Variants in ZNF763 observed in about 807,000 individuals in gnomAD.
ZNF763 encodes the protein DNA-binding protein.
Under a neutral mutation model 38.0 loss-of-function variants are expected in ZNF763, and 33 were observed. The observed-to-expected ratio is 0.87, with a 90% CI of 0.66 to 1.16. The LOEUF is 1.16. Ranked by LOEUF, ZNF763 falls within the 50% of genes most tolerant of loss-of-function variation. The pLI is 0.00. For synonymous variants in ZNF763, 155 were observed against 160.1 expected, an observed-to-expected ratio of 0.97 and a Z score of 0.24; for missense variants, 423 against 469.1, an observed-to-expected ratio of 0.90 and a Z score of 0.91.
At chr19:11,973,267 C>T (rs1042578812) in intron 1 of ZNF763, among the ~76,000 whole-genome samples, 2 of 152,142 alleles carry the variant, frequency 1.3e-5, no homozygotes. Flanking sequence ...TTGCATTTTC[C>T]AGAATATCAC....
intron 1 of ZNF763, among the ~76,000 whole-genome samples, chr19:11,976,440 C>G (rs1175908598): frequency 6.6e-6 from 1 of 151,006 alleles, no homozygotes; most frequent in African/African-American, 2.4e-5. Flanking sequence ...CCTGTGGTCT[C>G]AGCTACTCAG....
intron 1 of ZNF763, among the ~76,000 whole-genome samples, chr19:11,975,333 C>A (rs915019611): frequency 6.6e-6 from 1 of 152,016 alleles, no homozygotes; most frequent in Admixed American, 6.5e-5. Flanking sequence ...CCACACCCCC[C>A]AAAGTTCTGG....
intron 1 of ZNF763, among the ~76,000 whole-genome samples, chr19:11,967,770 C>T (rs1687136457): frequency 1.3e-5 from 2 of 152,088 alleles, no homozygotes; most frequent in South Asian, 4.2e-4. Flanking sequence ...AGTAGGGCAT[C>T]CTCATAAAGC....
In ZNF763 at chr19:11,965,153, C is replaced by A. The variant is rs150278614; in HGVS notation, c.-56C>A. 6.2e-7 allele frequency: 1 copy of A among 1,612,980 alleles called. No homozygotes were observed. Reference sequence around the variant, plus strand: ...TATCGCTCTGTCTCCTGCGCTGTGCCCTTCTGTAGTCACAGGAGCTGTAGA... The same window carrying A: ...TATCGCTCTGTCTCCTGCGCTGTGCACTTCTGTAGTCACAGGAGCTGTAGA... On this transcript the variant is annotated 5_prime_UTR_variant, in exon 1 of 4. Coordinates refer to ENST00000358987, the MANE Select transcript of ZNF763 (RefSeq NM_001367172.2).
intron 1 of ZNF763, among the ~76,000 whole-genome samples, chr19:11,969,099 T>G (rs1489613781): frequency 4.6e-5 from 7 of 152,166 alleles, no homozygotes; most frequent in African/African-American, 1.4e-4. Context: ...ATTACTTGGT[T>G]GTTTTTGCTT....
chr19:11,974,127 TTTCTTTCTTTCTTTC>T (rs1973425303), intron 1 of ZNF763, among the ~76,000 whole-genome samples: 1 of 31,990 alleles, frequency 3.1e-5, no homozygotes, highest in Non-Finnish European at 7.6e-5. Context: ...CTTTCTTTCT[TTTCTTTCTTTCTTTC>T]TTTCTTTCTT....
At position 11,978,429 on chromosome 19, in the gene ZNF763, G is replaced by A. The variant is rs768860875; in HGVS notation, c.505G>A (p.Glu169Lys). The A allele has an allele frequency of 1.2e-6, 2 of 1,614,166 alleles. No homozygotes were observed. The highest frequency in any genetic ancestry group is 3.3e-5 in the Admixed American group (2 of 60,024). ...FRTQERNHTG[E>K]KPYACKECGK... is the part of the protein sequence containing the mutation. Reference sequence around the variant, plus strand: ...AACACAAGAAAGGAATCACACCGGAGAGAAACCCTATGCTTGTAAAGAATG... The same window carrying A: ...AACACAAGAAAGGAATCACACCGGAAAGAAACCCTATGCTTGTAAAGAATG... The change falls in exon 4 of 4, where the codon GAG becomes AAG. Residue 169 changes from glutamate (E) to lysine (K), a missense_variant. Coordinates refer to ENST00000358987, the MANE Select transcript of ZNF763 (RefSeq NM_001367172.2).
intron 1 of ZNF763, among the ~76,000 whole-genome samples, chr19:11,971,704 T>C (rs1292825886): frequency 6.6e-6 from 1 of 152,186 alleles, no homozygotes; most frequent in Admixed American, 6.5e-5. Context: ...CAGTGTAGAC[T>C]TTTTGCATAA....
chr19:11,965,165 A>G lies in ZNF763; in HGVS notation c.-44A>G, dbSNP rs772563613. 1.2e-6 allele frequency: 2 copies of G among 1,613,698 alleles called. No homozygotes were observed. Among genetic ancestry groups the G allele is most frequent in the Non-Finnish European group, 1.7e-6 (2 of 1,179,728 alleles). On this transcript the variant is annotated 5_prime_UTR_variant, in exon 1 of 4. Coordinates refer to ENST00000358987, the MANE Select transcript of ZNF763 (RefSeq NM_001367172.2). Reference sequence around the variant, plus strand: ...TCCTGCGCTGTGCCCTTCTGTAGTCACAGGAGCTGTAGAGAGGACCCCAGG... The same window carrying G: ...TCCTGCGCTGTGCCCTTCTGTAGTCGCAGGAGCTGTAGAGAGGACCCCAGG...
intron 1 of ZNF763, among the ~76,000 whole-genome samples, chr19:11,974,270 C>T (rs911453064): frequency 1.3e-5 from 2 of 150,600 alleles, no homozygotes; most frequent in South Asian, 2.1e-4. Context: ...GATCTCAGCT[C>T]ACTGCTGCCT....
intron 1 of ZNF763, among the ~76,000 whole-genome samples, chr19:11,966,798 G>A (rs912605095): frequency 6.6e-6 from 1 of 152,134 alleles, no homozygotes; most frequent in African/African-American, 2.4e-5. Context: ...TTGTCACTCC[G>A]AAATAATCGA....
chr19:11,965,910 G>T (rs138890919), intron 1 of ZNF763, among the ~76,000 whole-genome samples: 1 of 152,274 alleles, frequency 6.6e-6, no homozygotes, highest in Admixed American at 6.5e-5. Flanking sequence ...GAAAGGGCGG[G>T]ACCTGTGGAA....
At chr19:11,977,015 T>C (rs771204833) in intron 1 of ZNF763, 23 bp from the exon 2 acceptor site, 1 of 1,613,884 alleles carries the variant, frequency 6.2e-7, no homozygotes, top group African/African-American at 1.3e-5. Flanking sequence ...CCCAGCCTCC[T>C]CTACACATGT....
At chr19:11,974,618 G>C (rs112566385) in intron 1 of ZNF763, among the ~76,000 whole-genome samples, 1 of 141,640 alleles carries the variant, frequency 7.1e-6, no homozygotes, top group African/African-American at 2.6e-5. Context: ...TGGGCGGGGG[G>C]GTGGGGTGTA....
chr19:11,965,074 T>G lies in ZNF763; in HGVS notation c.-135T>G. 1.7e-6 allele frequency: 2 copies of G among 1,158,048 alleles called. No individual in the cohort carries two copies. The highest frequency in any genetic ancestry group is 2.5e-6 in the Non-Finnish European group (2 of 784,344). 71.7% of individuals were successfully genotyped at this position (1,158,048 alleles called of 1,614,324 possible). A position where few individuals can be genotyped will look rare whatever the true frequency, so the allele number is the denominator to read the frequency against. ...CCTTTGTCCTTGCGCAGCCGGTGGT[T>G]GATATCCGCTGTATCCATCCCCGAG... On this transcript the variant is annotated 5_prime_UTR_variant, in exon 1 of 4. Transcript: ENST00000358987.
Position 11,965,223 on chromosome 19 carries a change from T to G in ZNF763, c.3+12T>G. 1 of 1,613,936 alleles carries G rather than the reference T, an allele frequency of 6.2e-7. No individual in the cohort carries two copies. Among genetic ancestry groups the G allele is most frequent in the South Asian group, 1.1e-5 (1 of 91,086 alleles). ...AAAGCCAGGAAATGGTGCGTGTGCA[T>G]AGCCGGTTGTCCCGAGACGGGGTAG... On this transcript the variant is annotated intron_variant, in intron 1 of 3. Coordinates refer to ENST00000358987, the MANE Select transcript of ZNF763 (RefSeq NM_001367172.2).
rs1178907337 is a variant in ZNF763 at position 11,978,695 on chromosome 19, A to G, written c.771A>G (p.Glu257=). Residue 257 remains glutamate, a synonymous_variant, in exon 4 of 4, where the codon GAA becomes GAG. Coordinates refer to ENST00000358987, the MANE Select transcript of ZNF763 (RefSeq NM_001367172.2). ...ERTHTGEKPY[E]CQQCGKAFHS... The stretch of plus-strand genomic sequence containing the variant: ...CTCACACTGGAGAAAAGCCTTATGA[A>G]TGTCAGCAATGTGGGAAAGCATTCC... 6.2e-7 allele frequency: 1 copy of G among 1,614,170 alleles called. No individual in the cohort carries two copies. Among genetic ancestry groups the G allele is most frequent in the African/African-American group, 1.3e-5 (1 of 75,044 alleles).
At chr19:11,973,276 A>C (rs1440561992) in intron 1 of ZNF763, among the ~76,000 whole-genome samples, 1 of 152,148 alleles carries the variant, frequency 6.6e-6, no homozygotes, top group Non-Finnish European at 1.5e-5. Flanking sequence ...CCAGAATATC[A>C]CATATTTGGA....
At chr19:11,968,926 T>G (rs1328118045) in intron 1 of ZNF763, among the ~76,000 whole-genome samples, 1 of 152,104 alleles carries the variant, frequency 6.6e-6, no homozygotes, top group East Asian at 1.9e-4. Flanking sequence ...CCTTCAGTCA[T>G]TTACAACATT....
Sources: gnomAD v4.1 joint callset for allele counts (sites outside exome capture counted in the v4.1 genomes callset) on GRCh38, gnomAD v4.1.1 for gene constraint, MANE v1.5 for transcripts, NCBI Gene and HGNC (gene_info 2026-07-23, HGNC 2026-07-21) for gene names.